The following EYS variants were observed in gnomAD, a reference collection of about 807,000 sequenced individuals.
EYS encodes the protein EGF-like photoreceptor maintenance factor.
EYS carries 250 observed loss-of-function variants against 282.1 expected under a neutral mutation model. The observed-to-expected ratio is 0.89, with a 90% CI of 0.80 to 0.98. The LOEUF is 0.98. EYS is among the 50% of genes least tolerant of loss of function. The probability of loss-of-function intolerance (pLI) is 0.00; values close to 1 mark genes in which losing one functional copy is unlikely to be tolerated. For missense variants in EYS, 4,016 were observed against 3,709.0 expected (o/e 1.08, Z -2.15); for synonymous variants, 1,355 against 1,282.9 (o/e 1.06, Z -1.20).
chr6:64,088,122 C>T (rs762427177), intron 31 of EYS, among the ~76,000 whole-genome samples: 3 of 151,946 alleles, frequency 2.0e-5, no homozygotes, highest in Non-Finnish European at 4.4e-5. Flanking sequence ...TCATTATCAC[C>T]GTGTTTAGTG....
At position 65,335,105 on chromosome 6, in the gene EYS, A is replaced by C; in HGVS notation, c.1641T>G (p.Ser547Arg). The change falls in exon 11 of 43, where the codon AGT becomes AGG. Residue 547 changes from serine to arginine, a missense_variant. Ser to Arg is a moderately radical substitution (Grantham distance 110). Coordinates refer to ENST00000503581, the MANE Select transcript of EYS (RefSeq NM_001142800.2). The part of the protein sequence containing the change: ...NGCSCLSEED[S>R]QEYRYLCFLR... ...GAAAACATAGATACCGATATTCCTG[A>C]CTGTCTTCTTCACTCAAACAACTGC... The C allele has an allele frequency of 6.2e-7, 1 of 1,611,874 alleles. No individual in the cohort carries two copies. Among genetic ancestry groups the C allele is most frequent in the South Asian group, 1.1e-5 (1 of 91,042 alleles).
rs573339524 is a variant in EYS at position 64,794,550 on chromosome 6, G to A, written c.3443+18828C>T. Among the ~76,000 whole-genome samples the A allele has an allele frequency of 2.6e-5, 4 of 152,140 alleles. No individual in the cohort carries two copies. The East Asian group carries it at 5.8e-4, about 22-fold the overall frequency. On this transcript the variant is annotated intron_variant, in intron 22 of 42. Transcript: ENST00000503581. ...CTGCCATGATGGTAAGTTTCCTGTGGCCTCCCCAGAAGCAGAAGCCTGACC... is the reference window on the plus strand; with the variant it reads ...CTGCCATGATGGTAAGTTTCCTGTGACCTCCCCAGAAGCAGAAGCCTGACC...
chr6:64,609,481 G>A (rs1767040196), intron 24 of EYS, among the ~76,000 whole-genome samples: 3 of 152,158 alleles, frequency 2.0e-5, no homozygotes. Flanking sequence ...GGCTAGAGAA[G>A]TTATCAGGAA....
intron 5 of EYS, among the ~76,000 whole-genome samples, chr6:65,424,368 C>T (rs1192463519): frequency 6.6e-6 from 1 of 151,832 alleles, no homozygotes; most frequent in Non-Finnish European, 1.5e-5. Flanking sequence ...CACAAAAATA[C>T]TTTATGGAAA....
At chr6:64,131,474 A>G (rs757342368) in intron 31 of EYS, among the ~76,000 whole-genome samples, 1 of 152,184 alleles carries the variant, frequency 6.6e-6, no homozygotes, top group East Asian at 1.9e-4. Flanking sequence ...GCTCTTAACC[A>G]TTAGGCTGTA....
intron 2 of EYS, among the ~76,000 whole-genome samples, chr6:65,616,199 T>C (rs1766192965): frequency 6.6e-6 from 1 of 152,196 alleles, no homozygotes; most frequent in Admixed American, 6.5e-5. Flanking sequence ...TTTATTCTGA[T>C]GTAATGACAT....
chr6:65,604,528 A>T (rs1765717514), intron 2 of EYS, among the ~76,000 whole-genome samples: 1 of 151,988 alleles, frequency 6.6e-6, no homozygotes, highest in Non-Finnish European at 1.5e-5. Flanking sequence ...GGTGTAGGTT[A>T]TACATGTTTA....
intron 26 of EYS, among the ~76,000 whole-genome samples, chr6:64,548,036 C>T (rs528421419): frequency 3.3e-5 from 5 of 152,286 alleles, no homozygotes; most frequent in African/African-American, 7.2e-5. Flanking sequence ...TTCCCGCCTG[C>T]GCCTGTCCCT....
intron 26 of EYS, among the ~76,000 whole-genome samples, chr6:64,579,565 G>A (rs562926004): frequency 1.8e-4 from 27 of 152,168 alleles, no homozygotes; most frequent in African/African-American, 5.8e-4. Flanking sequence ...GATGCCCACT[G>A]AGTATCTGTG....
At chr6:63,888,753 G>A (rs541836964) in intron 35 of EYS, among the ~76,000 whole-genome samples, 1 of 152,194 alleles carries the variant, frequency 6.6e-6, no homozygotes, top group Non-Finnish European at 1.5e-5. Flanking sequence ...TCACAACTTC[G>A]TGTAAGCAAG....
chr6:64,027,329 C>T (rs1769571628), intron 33 of EYS, among the ~76,000 whole-genome samples: 1 of 152,222 alleles, frequency 6.6e-6, no homozygotes, highest in East Asian at 1.9e-4. Context: ...CTATGAGAGG[C>T]CTTAAGAAAA....
At chr6:65,694,783 T>C (rs1769382214) in intron 1 of EYS, among the ~76,000 whole-genome samples, 1 of 138,144 alleles carries the variant, frequency 7.2e-6, no homozygotes, top group South Asian at 2.4e-4. Context: ...TAGCCATTTA[T>C]ATTTGTCCAT....
At chr6:65,420,671 A>C (rs13198522) in intron 5 of EYS, among the ~76,000 whole-genome samples, 3,318 of 152,042 alleles carry the variant, frequency 0.022, 55 homozygotes, top group Non-Finnish European at 0.033. Flanking sequence ...CAGAGGAATC[A>C]CTGTCTATGG....
intron 1 of EYS, among the ~76,000 whole-genome samples, chr6:65,690,849 T>C (rs897786456): frequency 6.7e-6 from 1 of 150,156 alleles, no homozygotes; most frequent in East Asian, 2.3e-4. Context: ...TTTCTGTTCT[T>C]GTGTTAGTTT....
chr6:64,213,952 C>G (rs1386796185), intron 31 of EYS, among the ~76,000 whole-genome samples: 1 of 152,108 alleles, frequency 6.6e-6, no homozygotes, highest in Admixed American at 6.6e-5. Flanking sequence ...ATACATTCAT[C>G]ATTTTGAGCA....
intron 12 of EYS, among the ~76,000 whole-genome samples, chr6:65,082,428 T>G (rs2150172250): frequency 6.6e-6 from 1 of 152,188 alleles, no homozygotes; most frequent in Admixed American, 6.5e-5. Flanking sequence ...ACTAAATTGG[T>G]CAATTTATTC....
chr6:63,915,541 A>T (rs969554784), intron 35 of EYS, among the ~76,000 whole-genome samples: 1 of 152,204 alleles, frequency 6.6e-6, no homozygotes, highest in Non-Finnish European at 1.5e-5. Flanking sequence ...CTTATTATTT[A>T]ACAAATGTAT....
chr6:65,138,797 GA>G (rs1286633427), intron 12 of EYS, among the ~76,000 whole-genome samples: 2 of 151,958 alleles, frequency 1.3e-5, no homozygotes, highest in African/African-American at 4.8e-5. Context: ...CAAACATCAT[GA>G]AAAATTACAT....
chr6:65,377,373 C>T lies in EYS; in HGVS notation c.1299+7013G>A, dbSNP rs540440560. Among the ~76,000 whole-genome samples the T allele has an allele frequency of 1.1e-4, 16 of 152,218 alleles. No individual in the cohort carries two copies. The East Asian group carries it at 2.9e-3, about 28-fold the overall frequency. On this transcript the variant is annotated intron_variant, in intron 8 of 42. Coordinates refer to ENST00000503581, the MANE Select transcript of EYS (RefSeq NM_001142800.2). Reference sequence around the variant, plus strand: ...CAGAATCTCTGGGAGAGAGCTAAAGCACTATTTACAGGGAAATTTATAGCA... The same window carrying T: ...CAGAATCTCTGGGAGAGAGCTAAAGTACTATTTACAGGGAAATTTATAGCA...
Sources: gnomAD v4.1 joint callset for allele counts (sites outside exome capture counted in the v4.1 genomes callset) on GRCh38, gnomAD v4.1.1 for gene constraint, MANE v1.5 for transcripts, NCBI Gene and HGNC (gene_info 2026-07-23, HGNC 2026-07-21) for gene names.